The following SGTB variants were observed in gnomAD, a reference collection of about 807,000 sequenced individuals.
The protein encoded by SGTB is small glutamine rich tetratricopeptide repeat co-chaperone beta.
SGTB carries 19 observed loss-of-function variants against 43.9 expected under a neutral mutation model. The observed-to-expected ratio is 0.43, with a 90% CI of 0.30 to 0.63. The LOEUF (loss-of-function observed/expected upper bound fraction) is 0.63, where lower values mean the gene tolerates loss of function less well. Among genes scored for constraint, SGTB ranks in the 30% least tolerant of loss-of-function variants. SGTB has a pLI of 0.12. For missense variants in SGTB, 304 were observed against 358.9 expected, an observed-to-expected ratio of 0.85 and a Z score of 1.24; for synonymous variants, 116 against 117.3, an observed-to-expected ratio of 0.99 and a Z score of 0.07.
upstream of SGTB, chr5:65,722,303 C>G (rs1758322978): frequency 1.7e-5 from 22 of 1,318,640 alleles, no homozygotes; most frequent in South Asian, 2.9e-4. Flanking sequence ...GGCGCCCAGG[C>G]GCTGCCGCCC....
chr5:65,674,582 C>T (rs1757227218), intron 8 of SGTB, among the ~76,000 whole-genome samples: 1 of 152,096 alleles, frequency 6.6e-6, no homozygotes, highest in Non-Finnish European at 1.5e-5. Context: ...TATAGGGAGC[C>T]CTAAAACTCT....
In SGTB at chr5:65,711,960, C is replaced by T. The variant is rs115479226; in HGVS notation, c.204+1001G>A. Among the ~76,000 whole-genome samples, 1,410 of 152,220 alleles carry T rather than the reference C, an allele frequency of 9.3e-3. 29 individuals are homozygous for T. The highest frequency in any genetic ancestry group is 0.032 in the African/African-American group (1,333 of 41,540). On this transcript the variant is annotated intron_variant, in intron 3 of 10. Transcript: ENST00000381007. ...GAGGCACCACAATGTCATAAAGAAA[C>T]ATGTGGGCCAGGTGTGGTGGTTCAA...
intron 5 of SGTB, among the ~76,000 whole-genome samples, chr5:65,690,566 C>A (rs1258259221): frequency 6.6e-6 from 1 of 152,052 alleles, no homozygotes; most frequent in Non-Finnish European, 1.5e-5. Context: ...AAAAGGACAG[C>A]AAAAGACAAA....
chr5:65,701,306 G>A (rs1389999214), intron 5 of SGTB, among the ~76,000 whole-genome samples: 5 of 152,114 alleles, frequency 3.3e-5, no homozygotes, highest in African/African-American at 1.2e-4. Context: ...AAGGTGATAA[G>A]GCCGTTATAA....
chr5:65,715,862 C>T lies in SGTB; in HGVS notation c.101-2798G>A, dbSNP rs150981945. ...TTGGCTCACTGTAACCTGTGCCTCCCGAGTTTAAGCTATTCTCCTGCCTCA... is the reference window on the plus strand; with the variant it reads ...TTGGCTCACTGTAACCTGTGCCTCCTGAGTTTAAGCTATTCTCCTGCCTCA... On this transcript the variant is annotated intron_variant, in intron 2 of 10. Coordinates refer to ENST00000381007, the MANE Select transcript of SGTB (RefSeq NM_019072.3). 4.9e-3 allele frequency among the ~76,000 whole-genome samples: 741 copies of T among 152,288 alleles called. 12 individuals carry two copies. Among genetic ancestry groups the T allele is most frequent in the Middle Eastern group, 0.02 (6 of 294 alleles).
At chr5:65,697,296 C>CAAA in intron 5 of SGTB, among the ~76,000 whole-genome samples, 1 of 152,262 alleles carries the variant, frequency 6.6e-6, no homozygotes, top group African/African-American at 2.4e-5. Context: ...TTATTGATTT[C>CAAA]AGTTTTACAA....
intron 2 of SGTB, among the ~76,000 whole-genome samples, chr5:65,720,279 G>A (rs13178696): frequency 6.6e-6 from 1 of 151,580 alleles, no homozygotes; most frequent in South Asian, 2.1e-4. Flanking sequence ...ACAGGGTTTT[G>A]CCATGTTGCC....
chr5:65,693,224 A>G (rs1757647286), intron 5 of SGTB, among the ~76,000 whole-genome samples: 1 of 150,936 alleles, frequency 6.6e-6, no homozygotes, highest in Non-Finnish European at 1.5e-5. Context: ...GAAGGGAAGG[A>G]AGGGAAAGAG....
At position 65,668,044 on chromosome 5, in the gene SGTB, T is replaced by G. The variant is rs1251771101; in HGVS notation, c.*2202A>C. On this transcript the variant is annotated 3_prime_UTR_variant, in exon 11 of 11. Transcript: ENST00000381007. ...CTTGGCTCACTGCAACCTCTGCCTC[T>G]CAGGTTCGAGCAATTCTCATGCTTC... 1 of 150,476 alleles carries G rather than the reference T, an allele frequency of 6.6e-6. No individual in the cohort carries two copies. The highest frequency in any genetic ancestry group is 2.4e-5 in the African/African-American group (1 of 40,828). The allele number at this position is 150,476 out of a possible 1,614,324, so 9.3% of individuals were successfully genotyped here. A position where few individuals can be genotyped will look rare whatever the true frequency, so the allele number is the denominator to read the frequency against.
At chr5:65,717,345 G>C (rs534718430) in intron 2 of SGTB, among the ~76,000 whole-genome samples, 2 of 152,190 alleles carry the variant, frequency 1.3e-5, no homozygotes, top group South Asian at 4.2e-4. Flanking sequence ...TTGAAGAAGG[G>C]AGAATAATGG....
At chr5:65,722,592 C>T (rs558216327), upstream of SGTB, among the ~76,000 whole-genome samples, 1 of 152,350 alleles carries the variant, frequency 6.6e-6, no homozygotes, top group African/African-American at 2.4e-5. Flanking sequence ...CCACCTGGGG[C>T]CACCTTTCCC....
Position 65,685,454 on chromosome 5 carries a change from T to C in SGTB, c.393A>G (p.Lys131=), listed in dbSNP as rs150159759. The C allele has an allele frequency of 3.4e-4, 548 of 1,614,118 alleles. 1 individual carries two copies. The African/African-American group carries it at 5.9e-3, about 17-fold the overall frequency. ...YYCNRAAAQS[K]LGHYTDAIKD... is the part of the protein sequence containing the mutation. ...TTATCGCATCTGTGTAGTGACCTAA[T>C]TTGCTCTGAGCAGCAGCCCTAAGAG... The change falls in exon 6 of 11, where the codon AAA becomes AAG. Residue 131 remains lysine (K), a synonymous_variant. Transcript: ENST00000381007.
At chr5:65,722,452 G>A (rs1342206050), upstream of SGTB, 5 of 1,553,728 alleles carry the variant, frequency 3.2e-6, no homozygotes, top group South Asian at 1.2e-5. Flanking sequence ...GCCGTGGGCA[G>A]GGCGGGGTCT....
chr5:65,680,278 C>T (rs1419342011), intron 8 of SGTB, among the ~76,000 whole-genome samples: 2 of 152,120 alleles, frequency 1.3e-5, no homozygotes, highest in Admixed American at 6.5e-5. Flanking sequence ...CCATGGCAGA[C>T]GTTTTACCTA....
At chr5:65,722,347 C>T (rs1352436372), upstream of SGTB, 9 of 1,540,890 alleles carry the variant, frequency 5.8e-6, no homozygotes, top group Middle Eastern at 1.8e-4. Context: ...ACCACGCGCC[C>T]GCCGCCGCCA....
At chr5:65,674,019 T>C (rs1045922287) in intron 8 of SGTB, among the ~76,000 whole-genome samples, 2 of 152,184 alleles carry the variant, frequency 1.3e-5, no homozygotes, top group African/African-American at 4.8e-5. Flanking sequence ...GATTAAGAGT[T>C]GTGGCCCTCC....
chr5:65,722,399 TGC>T, upstream of SGTB: 1 of 1,591,422 alleles, frequency 6.3e-7, no homozygotes, highest in Admixed American at 1.7e-5. Context: ...CTTTTGGCTG[TGC>T]GAAGCCTCCG....
At chr5:65,685,776 T>G (rs1180369903) in intron 5 of SGTB, among the ~76,000 whole-genome samples, 1 of 152,160 alleles carries the variant, frequency 6.6e-6, no homozygotes, top group African/African-American at 2.4e-5. Context: ...AACAGAAAAG[T>G]GAAAAAGCTA....
intron 4 of SGTB, among the ~76,000 whole-genome samples, chr5:65,705,427 T>C (rs939685258): frequency 6.6e-6 from 1 of 151,978 alleles, no homozygotes. Flanking sequence ...CATTCCAGCA[T>C]GGGTGACAGA....
Sources: allele counts gnomAD v4.1 joint callset (sites outside exome capture counted in the v4.1 genomes callset), GRCh38; gene constraint gnomAD v4.1.1; transcripts MANE v1.5; gene names NCBI Gene and HGNC (gene_info 2026-07-23, HGNC 2026-07-21).